SNRPN: variants seen among roughly 807,000 people sequenced by gnomAD.
The protein encoded by SNRPN is small nuclear ribonucleoprotein-associated protein N.
SNRPN carries 7 observed loss-of-function variants against 25.2 expected under a neutral mutation model. The ratio of observed to expected loss-of-function variants is 0.28; its 90% CI spans 0.16 to 0.52. The LOEUF (loss-of-function observed/expected upper bound fraction) is 0.52. Ranked by LOEUF, SNRPN falls within the 20% of genes least tolerant of loss-of-function variation. The probability of loss-of-function intolerance (pLI) is 0.96; values close to 1 mark genes in which losing one functional copy is unlikely to be tolerated. For missense variants in SNRPN, 196 were observed against 322.5 expected (o/e 0.61, Z 3.00); for synonymous variants, 124 against 110.6 (o/e 1.12, Z -0.76).
intron 1 of SNRPN, among the ~76,000 whole-genome samples, chr15:24,959,549 A>G (rs946155181): frequency 6.6e-6 from 1 of 152,228 alleles, no homozygotes; most frequent in Non-Finnish European, 1.5e-5. Flanking sequence ...ATATTGAGCA[A>G]CTGCCGAATG....
At chr15:24,956,613 T>TA (rs1480696725) in intron 1 of SNRPN, among the ~76,000 whole-genome samples, 5 of 152,026 alleles carry the variant, frequency 3.3e-5, no homozygotes, top group Non-Finnish European at 7.4e-5. Flanking sequence ...AGCGAGGGCT[T>TA]ACGCAGCTTT....
Position 24,970,945 on chromosome 15 carries a change from G to A in SNRPN, c.-144+2863G>A, listed in dbSNP as rs538563798. ...TGTTTTTGCATACTCTTCGATGGAG[G>A]ATCTCTATGGAGACCCTCTATAATT... is the stretch of plus-strand genomic sequence containing the variant. On this transcript the variant is annotated intron_variant, in intron 3 of 9. Transcript: ENST00000390687. Among the ~76,000 whole-genome samples the A allele has an allele frequency of 3.8e-3, 580 of 152,110 alleles. 1 individual carries two copies. The highest frequency in any genetic ancestry group is 8.2e-3 in the Admixed American group (125 of 15,264).
chr15:24,856,194 TA>T (rs567784302), upstream of SNRPN, among the ~76,000 whole-genome samples: 259 of 152,276 alleles, frequency 1.7e-3, no homozygotes, highest in Middle Eastern at 6.8e-3. Context: ...TGAAAACCTC[TA>T]TGCCTTGAAC....
At chr15:24,832,130 A>G (rs2050583536) in intron 2 of SNRPN, among the ~76,000 whole-genome samples, 1 of 151,924 alleles carries the variant, frequency 6.6e-6, no homozygotes. Context: ...GACAGTACAC[A>G]TGTTCCCTTT....
intron 3 of SNRPN, among the ~76,000 whole-genome samples, chr15:24,970,107 C>T (rs957025089): frequency 2.0e-5 from 3 of 152,042 alleles, no homozygotes; most frequent in Admixed American, 6.6e-5. Flanking sequence ...GAAGTATATA[C>T]GAAGTATACA....
At chr15:24,950,240 G>C (rs1254141603), upstream of SNRPN, among the ~76,000 whole-genome samples, 1 of 151,614 alleles carries the variant, frequency 6.6e-6, no homozygotes, top group Non-Finnish European at 1.5e-5. Context: ...GCAATGGCAG[G>C]GTCTTGGCTC....
chr15:24,865,115 T>C (rs1234254420), intron 1 of SNRPN, among the ~76,000 whole-genome samples: 1 of 150,502 alleles, frequency 6.6e-6, no homozygotes, highest in Non-Finnish European at 1.5e-5. Context: ...GGTACCATCG[T>C]GGCTCACTGC....
chr15:24,941,753 T>G (rs574654323), intron 3 of SNRPN, among the ~76,000 whole-genome samples: 1 of 152,244 alleles, frequency 6.6e-6, no homozygotes, highest in African/African-American at 2.4e-5. Context: ...AAGGGTTAGA[T>G]GGCAGTTTTT....
At chr15:24,886,680 T>C (rs1439261048) in intron 2 of SNRPN, 1 of 152,028 alleles carries the variant, frequency 6.6e-6, no homozygotes, top group Non-Finnish European at 1.5e-5. Context: ...GAGAGACCCA[T>C]CTGATATTTA....
chr15:24,941,970 G>A (rs1392952048), intron 3 of SNRPN, among the ~76,000 whole-genome samples: 1 of 151,988 alleles, frequency 6.6e-6, no homozygotes, highest in Non-Finnish European at 1.5e-5. Flanking sequence ...AGTAGAGATG[G>A]GGTTTCACCA....
upstream of SNRPN, among the ~76,000 whole-genome samples, chr15:24,856,103 G>A (rs898353734): frequency 3.3e-5 from 5 of 151,640 alleles, no homozygotes; most frequent in African/African-American, 7.3e-5. Flanking sequence ...CACTATTTTA[G>A]TAAGACACTT....
upstream of SNRPN, among the ~76,000 whole-genome samples, chr15:24,854,951 C>T (rs2053248351): frequency 6.6e-6 from 1 of 151,654 alleles, no homozygotes; most frequent in Admixed American, 6.6e-5. Context: ...TTGCAGCGAG[C>T]CGAGATTGTG....
At chr15:24,974,038 T>C (rs2153673574) in intron 3 of SNRPN, among the ~76,000 whole-genome samples, 1 of 152,242 alleles carries the variant, frequency 6.6e-6, no homozygotes, top group African/African-American at 2.4e-5. Flanking sequence ...GAAAGAAAAA[T>C]ACTAAATTTG....
chr15:24,847,299 G>C (rs910914755), intron 2 of SNRPN, among the ~76,000 whole-genome samples: 3 of 152,146 alleles, frequency 2.0e-5, no homozygotes, highest in African/African-American at 7.2e-5. Context: ...GTGAGGCCCA[G>C]GAACCGGAAA....
chr15:24,857,209 GT>G (rs11329715), intron 1 of SNRPN, among the ~76,000 whole-genome samples: 21,554 of 152,130 alleles, frequency 0.14, 1,742 homozygotes, highest in African/African-American at 0.22. Context: ...CATTCTAAAT[GT>G]AGAGACAGTC....
rs2077230132 is a variant in SNRPN at position 24,977,760 on chromosome 15, C to A, written c.421-18C>A. The A allele has an allele frequency of 3.8e-6, 6 of 1,574,842 alleles. No homozygotes were observed. In the South Asian group the frequency reaches 7.1e-5, roughly 19 times the overall value. On this transcript the variant is annotated intron_variant, in intron 7 of 9. Coordinates refer to ENST00000390687, the MANE Select transcript of SNRPN (RefSeq NM_003097.6). ...AAGGTTTGCATCGCTTTGACTGTTT[C>A]CCGCCCTGCCTTCTCAGGTAATGAC...
intron 3 of SNRPN, among the ~76,000 whole-genome samples, chr15:24,969,513 A>G (rs1361475387): frequency 6.6e-6 from 1 of 152,170 alleles, no homozygotes. Context: ...TTTTCTAGCA[A>G]TTGCATAAGC....
rs144541066 is a variant in SNRPN, at chr15:24,826,384, T to C, written c.-687+2534T>C. Among the ~76,000 whole-genome samples, 457 of 152,234 alleles carry C rather than the reference T, an allele frequency of 3.0e-3. 7 individuals are homozygous for C. Among genetic ancestry groups the C allele is most frequent in the African/African-American group, 0.01 (431 of 41,502 alleles). On this transcript the variant is annotated intron_variant, in intron 1 of 12. Transcript: ENST00000400100. ...TTGAAGCAATAACATGAGGAAATAG[T>C]GGGCTTGCATGGCTGCCTCACATTC... is the stretch of plus-strand genomic sequence containing the variant.
intron 1 of SNRPN, among the ~76,000 whole-genome samples, chr15:24,958,545 T>C (rs968397726): frequency 7.0e-6 from 1 of 142,116 alleles, no homozygotes; most frequent in Non-Finnish European, 1.5e-5. Context: ...CTCCCTATGT[T>C]GTCCAGGCTG....
Sources: gnomAD v4.1 joint callset for allele counts (sites outside exome capture counted in the v4.1 genomes callset) on GRCh38, gnomAD v4.1.1 for gene constraint, MANE v1.5 for transcripts, NCBI Gene and HGNC (gene_info 2026-07-23, HGNC 2026-07-21) for gene names.